The following PCDHGA5 variants were observed in gnomAD, a reference collection of about 807,000 sequenced individuals.
PCDHGA5 encodes the protein protocadherin gamma-A5.
Under a neutral mutation model 56.7 loss-of-function variants are expected in PCDHGA5, and 36 were observed. The observed-to-expected ratio is 0.64, with a 90% CI of 0.49 to 0.84. PCDHGA5 has a LOEUF of 0.84. Ranked by LOEUF, PCDHGA5 falls within the 40% of genes least tolerant of loss-of-function variation. The probability of loss-of-function intolerance (pLI) is 0.00; values close to 1 mark genes in which losing one functional copy is unlikely to be tolerated. For synonymous variants in PCDHGA5, 563 were observed against 520.2 expected, an observed-to-expected ratio of 1.08 and a Z score of -1.12; for missense variants, 1,305 against 1,201.5, an observed-to-expected ratio of 1.09 and a Z score of -1.27.
chr5:141,490,279 G>A lies in PCDHGA5; in HGVS notation c.2422-4528G>A, dbSNP rs1344083401. The A allele has an allele frequency of 5.6e-6, 9 of 1,614,228 alleles. No individual in the cohort carries two copies. In the East Asian group the frequency reaches 1.8e-4, roughly 32 times the overall value. On this transcript the variant is annotated intron_variant, in intron 1 of 3. Coordinates refer to ENST00000518069, the MANE Select transcript of PCDHGA5 (RefSeq NM_018918.3). This position sits in a 1 kb window ranked among gnomAD's most constrained non-coding sequence, Gnocchi z 5.4. ...GGATGTGGGGGATGTCAATGACAAT[G>A]CCCCAGAGGTGCTATTGGCCTCTTT...
Position 141,485,182 on chromosome 5 carries a change from C to A in PCDHGA5, c.2422-9625C>A. 6.2e-7 allele frequency: 1 copy of A among 1,613,070 alleles called. No individual in the cohort carries two copies. The highest frequency in any genetic ancestry group is 8.5e-7 in the Non-Finnish European group (1 of 1,179,154). On this transcript the variant is annotated intron_variant, in intron 1 of 3. Coordinates refer to ENST00000518069, the MANE Select transcript of PCDHGA5 (RefSeq NM_018918.3). This position sits in a 1 kb window ranked among gnomAD's most constrained non-coding sequence, Gnocchi z 5.7. ...ATTAGCGGGCGGCAGCAATGCTCCG[C>A]AAGGTGAGAAGCTGGACAGAAATCT...
chr5:141,494,926 G>T, intron 2 of PCDHGA5, 61 bp downstream of exon 2: 1 of 1,613,498 alleles, frequency 6.2e-7, no homozygotes, highest in Non-Finnish European at 8.5e-7. Flanking sequence ...GGATGACGTG[G>T]GAGGAGATGG....
intron 1 of PCDHGA5, among the ~76,000 whole-genome samples, chr5:141,465,904 C>T (rs1364574558): frequency 2.0e-5 from 3 of 152,046 alleles, no homozygotes; most frequent in Admixed American, 6.5e-5. Context: ...GGGCAAATCA[C>T]GAGGTCAGGA....
chr5:141,427,398 A>T (rs1040184910), intron 1 of PCDHGA5: 8 of 460,774 alleles, frequency 1.7e-5, no homozygotes, highest in Non-Finnish European at 3.5e-5. Context: ...AACACATGAT[A>T]AAGATTCGAG....
intron 1 of PCDHGA5, among the ~76,000 whole-genome samples, chr5:141,479,998 G>A (rs2099511091): frequency 6.6e-6 from 1 of 152,272 alleles, no homozygotes; most frequent in South Asian, 2.1e-4. Flanking sequence ...AGGAGTCTGT[G>A]GCCAAGTTAC....
chr5:141,423,943 G>GA, intron 1 of PCDHGA5: 1 of 1,211,382 alleles, frequency 8.3e-7, no homozygotes, highest in Non-Finnish European at 1.0e-6. Flanking sequence ...GAAGTAAGTT[G>GA]AATTTTAGTA....
chr5:141,434,768 T>C (rs6580188), intron 1 of PCDHGA5, among the ~76,000 whole-genome samples: 81,499 of 151,296 alleles, frequency 0.54, 23,977 homozygotes, highest in African/African-American at 0.79. Context: ...CACTTCACAC[T>C]TCTAAAAAAA....
chr5:141,420,963 A>T, intron 1 of PCDHGA5: 1 of 430,262 alleles, frequency 2.3e-6, no homozygotes, highest in Non-Finnish European at 4.1e-6. Flanking sequence ...TAGTCGTTGC[A>T]ATAATAAGAA....
At chr5:141,460,724 A>C (rs1294708205) in intron 1 of PCDHGA5, among the ~76,000 whole-genome samples, 1 of 152,114 alleles carries the variant, frequency 6.6e-6, no homozygotes, top group African/African-American at 2.4e-5. Context: ...TGTTATAAGC[A>C]TATATACACA....
intron 1 of PCDHGA5, among the ~76,000 whole-genome samples, chr5:141,407,339 T>C (rs958646781): frequency 3.3e-5 from 5 of 152,222 alleles, no homozygotes; most frequent in Non-Finnish European, 7.3e-5. Context: ...TTGAAATGTA[T>C]GTTAATTTGG....
At position 141,365,043 on chromosome 5, in the gene PCDHGA5, A is replaced by G. The variant is rs1264854717; in HGVS notation, c.713A>G (p.Asn238Ser). 3.1e-6 allele frequency: 5 copies of G among 1,613,814 alleles called. No homozygotes were observed. The highest frequency in any genetic ancestry group is 4.2e-6 in the Non-Finnish European group (5 of 1,179,890). The change falls in exon 1 of 4, where the codon AAT (asparagine) becomes AGT (serine). Residue 238 changes from asparagine (N) to serine (S), a missense_variant. Transcript: ENST00000518069. ...IRVTVLDAND[N>S]APLFTPSEYS... is the part of the protein sequence containing the mutation. The stretch of plus-strand genomic sequence containing the variant: ...GTTACGGTCCTCGACGCAAACGACA[A>G]TGCGCCCCTGTTCACCCCATCCGAG...
At chr5:141,377,551 G>A (rs949060522) in intron 1 of PCDHGA5, 1 of 151,380 alleles carries the variant, frequency 6.6e-6, no homozygotes, top group Non-Finnish European at 1.5e-5. Flanking sequence ...AGATATAATT[G>A]TGTCACTGCA....
chr5:141,376,292 G>C (rs377013387), intron 1 of PCDHGA5: 30 of 1,614,038 alleles, frequency 1.9e-5, no homozygotes, highest in Middle Eastern at 3.3e-4. Flanking sequence ...GAGCATGCCC[G>C]GCTCGCACTT....
chr5:141,420,769 C>T (rs2096524721), intron 1 of PCDHGA5, among the ~76,000 whole-genome samples: 1 of 152,212 alleles, frequency 6.6e-6, no homozygotes, highest in Admixed American at 6.5e-5. Flanking sequence ...AAGTTTTCAG[C>T]TCCAGTAATA....
rs769607720 is a variant in PCDHGA5 at position 141,489,346 on chromosome 5, G to A, written c.2422-5461G>A. 4 of 1,611,652 alleles carry A rather than the reference G, an allele frequency of 2.5e-6. No individual in the cohort carries two copies. The highest frequency in any genetic ancestry group is 3.4e-6 in the Non-Finnish European group (4 of 1,178,446). On this transcript the variant is annotated intron_variant, in intron 1 of 3. Transcript: ENST00000518069. The surrounding 1 kb of genome is among the most constrained non-coding windows in gnomAD (Gnocchi z 4.5). Reference sequence around the variant, plus strand: ...GTCTGGGCAGCTTCGTTACTCAGTGGTGGAGGAGTCTGAGCCGGGGACGCT... The same window carrying A: ...GTCTGGGCAGCTTCGTTACTCAGTGATGGAGGAGTCTGAGCCGGGGACGCT...
intron 1 of PCDHGA5, chr5:141,404,337 C>A (rs766940096): frequency 6.2e-6 from 10 of 1,613,902 alleles, no homozygotes; most frequent in Middle Eastern, 3.3e-4. Flanking sequence ...GTCTACCTCC[C>A]GGAAAACAAC....
intron 1 of PCDHGA5, chr5:141,418,387 G>C (rs1172239604): frequency 1.9e-6 from 3 of 1,613,884 alleles, no homozygotes; most frequent in Non-Finnish European, 2.5e-6. Flanking sequence ...GTCCTAACGA[G>C]TATTTCTCAT....
At chr5:141,478,675 G>T in intron 1 of PCDHGA5, 1 of 1,551,574 alleles carries the variant, frequency 6.4e-7, no homozygotes, top group Non-Finnish European at 8.7e-7. Flanking sequence ...ACTTTCAACT[G>T]GCCCTTCCTA....
rs779656906 is a variant in PCDHGA5 at position 141,476,872 on chromosome 5, C to T, written c.2422-17935C>T. On this transcript the variant is annotated intron_variant, in intron 1 of 3. Transcript: ENST00000518069. The surrounding 1 kb of genome is among the most constrained non-coding windows in gnomAD (Gnocchi z 7.6). ...TCAACCAGTCCTTGTACCGGGCGCG[C>T]GTCCTGGAGGATGCACCCTCCGGCA... 1.6e-4 allele frequency: 254 copies of T among 1,613,734 alleles called. No individual in the cohort carries two copies. The highest frequency in any genetic ancestry group is 2.1e-4 in the Non-Finnish European group (248 of 1,180,054).
Sources: gnomAD v4.1 joint callset for allele counts (sites outside exome capture counted in the v4.1 genomes callset) on GRCh38, gnomAD v4.1.1 for gene constraint, Gnocchi (gnomAD v3.1) non-coding constraint, MANE v1.5 for transcripts, NCBI Gene and HGNC (gene_info 2026-07-23, HGNC 2026-07-21) for gene names.